The following ABHD14B variants were observed in gnomAD, a reference collection of about 807,000 sequenced individuals.
ABHD14B encodes putative protein-lysine deacylase ABHD14B.
In ABHD14B, 19 loss-of-function variants were observed where a neutral mutation model predicts 15.4. The ratio of observed to expected loss-of-function variants is 1.23; its 90% CI spans 0.86 to 1.81. The LOEUF (loss-of-function observed/expected upper bound fraction) is 1.81. Among genes scored for constraint, ABHD14B ranks in the 40% most tolerant of loss-of-function variants. The probability of loss-of-function intolerance (pLI) is 0.00; values close to 1 mark genes in which losing one functional copy is unlikely to be tolerated. For missense variants in ABHD14B, 243 were observed against 267.0 expected, an observed-to-expected ratio of 0.91 and a Z score of 0.63; for synonymous variants, 92 against 117.3, an observed-to-expected ratio of 0.78 and a Z score of 1.39.
At chr3:51,969,825 G>A (rs766022003) in intron 3 of ABHD14B, 118 bp downstream of exon 3, 4 of 1,565,050 alleles carry the variant, frequency 2.6e-6, no homozygotes, top group African/African-American at 2.7e-5. Context: ...GTGGAGTTGG[G>A]TGGTCAGCTC....
At chr3:51,971,008 C>T (rs1420051243) in intron 2 of ABHD14B, among the ~76,000 whole-genome samples, 1 of 152,244 alleles carries the variant, frequency 6.6e-6, no homozygotes, top group Non-Finnish European at 1.5e-5. Context: ...AGACTCAGGT[C>T]TCACTCCTTA....
intron 1 of ABHD14B, among the ~76,000 whole-genome samples, chr3:51,972,311 T>C (rs1700673109): frequency 2.0e-5 from 3 of 150,510 alleles, no homozygotes; most frequent in Non-Finnish European, 4.4e-5. Flanking sequence ...GGCACACGCC[T>C]GTAATCCCAG....
chr3:51,973,519 C>CT (rs529939216), intron 1 of ABHD14B, among the ~76,000 whole-genome samples: 122 of 120,856 alleles, frequency 1.0e-3, no homozygotes, highest in East Asian at 2.2e-3. Context: ...TTTTTTTTTT[C>CT]TTTTTTTTTT....
In ABHD14B at chr3:51,971,578, AG is replaced by A. The variant is rs1700655764; in HGVS notation, c.92del (p.Ala31ValfsTer77). 1.2e-6 allele frequency: 2 copies of A among 1,613,532 alleles called. No individual in the cohort carries two copies. Among genetic ancestry groups the A allele is most frequent in the Admixed American group, 3.3e-5 (2 of 60,000 alleles). Reference sequence around the variant, plus strand: ...CATGCAGCAGCAGTACAGAGAAGCGAGCCTGCCCACTGCCGGGCAGGGCCTC... The same window carrying A: ...CATGCAGCAGCAGTACAGAGAAGCGACCTGCCCACTGCCGGGCAGGGCCTC... Reference protein sequence around the residue: ...FREALPGSGQARFSVLLLHGI... With the variant: ...FREALPGSGQXRFSVLLLHGI... On this transcript the variant is annotated frameshift_variant, in exon 2 of 4. Coordinates refer to ENST00000361143, the MANE Select transcript of ABHD14B (RefSeq NM_001146314.2). LOFTEE classifies it high-confidence loss of function.
In ABHD14B at chr3:51,969,375, G is replaced by A. The variant is rs112901597; in HGVS notation, c.*51C>T. On this transcript the variant is annotated 3_prime_UTR_variant, in exon 4 of 4. Coordinates refer to ENST00000361143, the MANE Select transcript of ABHD14B (RefSeq NM_001146314.2). The stretch of plus-strand genomic sequence containing the variant: ...CTGGGAGAGAAGAGAGAGCGTGCAA[G>A]AGAGAGCTCAGAGCAGGCAGGCAGC... The A allele has an allele frequency of 5.0e-3, 7,741 of 1,552,444 alleles. 307 individuals carry two copies. The African/African-American group carries it at 0.086, about 17-fold the overall frequency.
At chr3:51,971,994 C>A in intron 1 of ABHD14B, 1 of 326,448 alleles carries the variant, frequency 3.1e-6, no homozygotes, top group South Asian at 6.1e-5. Context: ...CCTGTAATCC[C>A]AGCACTTTGG....
In ABHD14B at chr3:51,969,928, C is replaced by T; in HGVS notation, c.453+15G>A. ...GCTCCTGGCAGGGGCACCTCAGCTT[C>T]CCACACAAGGGTACCTTCACACTGG... On this transcript the variant is annotated intron_variant, in intron 3 of 3. Coordinates refer to ENST00000361143, the MANE Select transcript of ABHD14B (RefSeq NM_001146314.2). 2 of 1,614,224 alleles carry T rather than the reference C, an allele frequency of 1.2e-6. No homozygotes were observed. Among genetic ancestry groups the T allele is most frequent in the Non-Finnish European group, 1.7e-6 (2 of 1,180,024 alleles).
intron 1 of ABHD14B, chr3:51,973,607 T>C: frequency 2.8e-6 from 1 of 356,688 alleles, no homozygotes; most frequent in South Asian, 2.1e-5. Context: ...AGCCTTGACC[T>C]TCCTGGGCTC....
intron 2 of ABHD14B, chr3:51,970,783 G>A (rs1700638605): frequency 2.2e-6 from 1 of 456,598 alleles, no homozygotes; most frequent in Non-Finnish European, 4.4e-6. Flanking sequence ...GCTCGCCCTT[G>A]AGCCCTGAAA....
intron 1 of ABHD14B, among the ~76,000 whole-genome samples, chr3:51,972,567 C>T (rs1209219203): frequency 1.3e-5 from 2 of 152,142 alleles, no homozygotes; most frequent in East Asian, 3.9e-4. Flanking sequence ...GAGAAAAACT[C>T]CATCTCAAAA....
chr3:51,971,760 AGAG>A, intron 1 of ABHD14B, 62 bp from the exon 2 acceptor site: 1 of 1,520,724 alleles, frequency 6.6e-7, no homozygotes, highest in Non-Finnish European at 8.8e-7. Flanking sequence ...TGGCAGTCCC[AGAG>A]GAGCAGCAAG....
At chr3:51,974,182 G>T, upstream of ABHD14B, 1 of 616,792 alleles carries the variant, frequency 1.6e-6, no homozygotes, top group Non-Finnish European at 2.4e-6. Flanking sequence ...AAGCCTCTCG[G>T]TCTCACATGC....
rs756572566 is a variant in ABHD14B at position 51,969,412 on chromosome 3, A to G, written c.*14T>C. Reference sequence around the variant, plus strand: ...AGCAGGCAGGCAGCCCACCCCCTGCAGCAGTGCTGGGCTTCACTGGAGCCC... The same window carrying G: ...AGCAGGCAGGCAGCCCACCCCCTGCGGCAGTGCTGGGCTTCACTGGAGCCC... On this transcript the variant is annotated 3_prime_UTR_variant, in exon 4 of 4. Coordinates refer to ENST00000361143, the MANE Select transcript of ABHD14B (RefSeq NM_001146314.2). 1.3e-6 allele frequency: 2 copies of G among 1,599,194 alleles called. No homozygotes were observed. The highest frequency in any genetic ancestry group is 3.4e-5 in the Admixed American group (2 of 58,578).
intron 1 of ABHD14B, 118 bp downstream of exon 1, chr3:51,973,847 A>G (rs1193546067): frequency 1.5e-5 from 19 of 1,289,430 alleles, no homozygotes; most frequent in Non-Finnish European, 1.9e-5. Context: ...GAGCACCGGG[A>G]GGGAATGGTG....
Position 51,969,926 on chromosome 3 carries a change from T to A in ABHD14B, c.453+17A>T, listed in dbSNP as rs765966516. On this transcript the variant is annotated intron_variant, in intron 3 of 3. Transcript: ENST00000361143. ...TTGCTCCTGGCAGGGGCACCTCAGC[T>A]TCCCACACAAGGGTACCTTCACACT... is the stretch of plus-strand genomic sequence containing the variant. 1.4e-5 allele frequency: 22 copies of A among 1,614,104 alleles called. No homozygotes were observed. The highest frequency in any genetic ancestry group is 1.8e-5 in the Non-Finnish European group (21 of 1,180,030).
At chr3:51,969,698 C>A in intron 3 of ABHD14B, 93 bp from the exon 4 acceptor site, 1 of 1,494,258 alleles carries the variant, frequency 6.7e-7, no homozygotes, top group Non-Finnish European at 9.1e-7. Context: ...CTGGGACCAC[C>A]CCATATGAGG....
At position 51,973,961 on chromosome 3, in the gene ABHD14B, G is replaced by A. The variant is rs529350162; in HGVS notation, c.-29+4C>T. ...AGAAAGGGTCAGGAGTGCAGGGCGG[G>A]TACCTGGGGAGCTGCGTGGACTCGC... On this transcript the variant is annotated splice_donor_region_variant and intron_variant, in intron 1 of 3. Transcript: ENST00000361143. 1.9e-4 allele frequency: 244 copies of A among 1,289,736 alleles called. 1 individual carries two copies. The East Asian group carries it at 5.6e-3, about 30-fold the overall frequency. 79.9% of individuals were successfully genotyped at this position (1,289,736 alleles called of 1,614,324 possible).
At chr3:51,973,114 CG>C (rs1225042944) in intron 1 of ABHD14B, among the ~76,000 whole-genome samples, 1 of 148,928 alleles carries the variant, frequency 6.7e-6, no homozygotes, top group East Asian at 2.0e-4. Context: ...GGCACATCTC[CG>C]CTCACTGCAA....
rs1380185273 is a variant in ABHD14B at position 51,974,024 on chromosome 3, G to C, written c.-88C>G. On this transcript the variant is annotated 5_prime_UTR_variant, in exon 1 of 4. Coordinates refer to ENST00000361143, the MANE Select transcript of ABHD14B (RefSeq NM_001146314.2). ...CAGGCGCGTGCTGGCGGTGACCTGG[G>C]GCCGGAGGAGGAACGCTGGGAAGAG... 29 of 1,288,636 alleles carry C rather than the reference G, an allele frequency of 2.3e-5. No individual in the cohort carries two copies. The highest frequency in any genetic ancestry group is 2.9e-5 in the Non-Finnish European group (29 of 988,808). The allele number at this position is 1,288,636 out of a possible 1,614,324, so 79.8% of individuals were successfully genotyped here. A position where few individuals can be genotyped will look rare whatever the true frequency, so the allele number is the denominator to read the frequency against.
Sources: allele counts gnomAD v4.1 joint callset (sites outside exome capture counted in the v4.1 genomes callset), GRCh38; gene constraint gnomAD v4.1.1; transcripts MANE v1.5; gene names NCBI Gene and HGNC (gene_info 2026-07-23, HGNC 2026-07-21).